The following WWOX variants were observed in gnomAD, a reference collection of about 807,000 sequenced individuals.
The protein encoded by WWOX is WW domain-containing oxidoreductase.
WWOX carries 69 observed loss-of-function variants against 46.2 expected under a neutral mutation model. The observed-to-expected ratio is 1.49, with a 90% CI of 1.23 to 1.82. WWOX has a LOEUF of 1.82. WWOX is among the 40% of genes most tolerant of loss of function. The probability of loss-of-function intolerance (pLI) is 0.00; values close to 1 mark genes in which losing one functional copy is unlikely to be tolerated. For missense variants in WWOX, 919 were observed against 542.6 expected (o/e 1.69, Z -6.89); for synonymous variants, 359 against 202.6 (o/e 1.77, Z -6.56).
At chr16:78,830,683 G>A (rs1464276187) in intron 8 of WWOX, among the ~76,000 whole-genome samples, 1 of 151,830 alleles carries the variant, frequency 6.6e-6, no homozygotes, top group East Asian at 2.0e-4. Context: ...GGGCTGACAG[G>A]TACGGCCGTG....
Position 78,422,889 on chromosome 16 carries a change from A to ATT in WWOX, c.606-1972_606-1971dup, listed in dbSNP as rs1237529975. The stretch of plus-strand genomic sequence containing the variant: ...CACACACACACACACACACACATAT[A>ATT]TTTTTTTTTTCTTTTAGATGGAGTG... On this transcript the variant is annotated intron_variant, in intron 6 of 8. Coordinates refer to ENST00000566780, the MANE Select transcript of WWOX (RefSeq NM_016373.4). Among the ~76,000 whole-genome samples the ATT allele has an allele frequency of 8.3e-3, 1,013 of 121,874 alleles. 54 individuals are homozygous for ATT. The highest frequency in any genetic ancestry group is 0.034 in the African/African-American group (899 of 26,376). 80.0% of individuals were successfully genotyped at this position (121,874 alleles called of 152,430 possible). A position where few individuals can be genotyped will look rare whatever the true frequency, so the allele number is the denominator to read the frequency against.
chr16:78,706,418 C>T (rs370428944), intron 8 of WWOX, among the ~76,000 whole-genome samples: 3 of 152,064 alleles, frequency 2.0e-5, no homozygotes, highest in Non-Finnish European at 2.9e-5. Context: ...TGAGCCTTCC[C>T]GATTCCATTT....
At chr16:78,642,341 CT>C (rs1447089826) in intron 8 of WWOX, among the ~76,000 whole-genome samples, 1 of 152,184 alleles carries the variant, frequency 6.6e-6, no homozygotes, top group Non-Finnish European at 1.5e-5. Flanking sequence ...CCCAGGGCTT[CT>C]GTCTCCAGAT....
chr16:78,996,407 A>C, intron 8 of WWOX: 4 of 852,040 alleles, frequency 4.7e-6, no homozygotes, highest in Non-Finnish European at 5.5e-6. Context: ...CACCTGTAAA[A>C]TGATTTGCTC....
chr16:78,487,056 G>C (rs2084655994), intron 8 of WWOX, among the ~76,000 whole-genome samples: 1 of 152,196 alleles, frequency 6.6e-6, no homozygotes, highest in South Asian at 2.1e-4. Context: ...GTACATGCCA[G>C]ATGATTCTGT....
chr16:78,370,130 C>A (rs1249454890), intron 5 of WWOX, among the ~76,000 whole-genome samples: 247 of 76,004 alleles, frequency 3.2e-3, no homozygotes, highest in East Asian at 7.5e-3. Context: ...AGACTGTCTC[C>A]AAAAAAAAAA....
chr16:79,126,444 G>C (rs1478251524), intron 8 of WWOX, among the ~76,000 whole-genome samples: 2 of 152,164 alleles, frequency 1.3e-5, no homozygotes, highest in Non-Finnish European at 2.9e-5. Flanking sequence ...ATGCTAGTGA[G>C]TGAGTTGTCA....
intron 5 of WWOX, among the ~76,000 whole-genome samples, chr16:78,342,323 G>A (rs1265162279): frequency 8.3e-6 from 1 of 120,526 alleles, no homozygotes; most frequent in South Asian, 2.5e-4. Flanking sequence ...GTGTGAGTTG[G>A]CTGGAAGGTC....
chr16:79,044,772 G>A (rs2150518120), intron 8 of WWOX, among the ~76,000 whole-genome samples: 1 of 152,296 alleles, frequency 6.6e-6, no homozygotes, highest in Admixed American at 6.5e-5. Context: ...AGAAGGCAGT[G>A]TCAGAGAATG....
At chr16:79,183,953 G>C (rs1364665337) in intron 8 of WWOX, among the ~76,000 whole-genome samples, 1 of 152,154 alleles carries the variant, frequency 6.6e-6, no homozygotes, top group African/African-American at 2.4e-5. Context: ...AACACGCTTT[G>C]GTGTCGTGCT....
chr16:78,474,366 C>T (rs1414319081), intron 8 of WWOX, among the ~76,000 whole-genome samples: 1 of 152,208 alleles, frequency 6.6e-6, no homozygotes, highest in Non-Finnish European at 1.5e-5. Context: ...GCACATCTTA[C>T]CCCGATGCAC....
At position 78,365,803 on chromosome 16, in the gene WWOX, C is replaced by G. The variant is rs568419910; in HGVS notation, c.517-21057C>G. Among the ~76,000 whole-genome samples, 388 of 152,270 alleles carry G rather than the reference C, an allele frequency of 2.5e-3. 1 individual carries two copies. The highest frequency in any genetic ancestry group is 4.7e-3 in the Non-Finnish European group (317 of 68,030). ...GCCCCTCCTCTATGGCTCCCCCCACCAAATTTCTGTGTCTTCATTTGCAAC... is the reference window on the plus strand; with the variant it reads ...GCCCCTCCTCTATGGCTCCCCCCACGAAATTTCTGTGTCTTCATTTGCAAC... On this transcript the variant is annotated intron_variant, in intron 5 of 8. Transcript: ENST00000566780.
chr16:79,140,815 A>G (rs1052614355), intron 8 of WWOX, among the ~76,000 whole-genome samples: 2 of 150,304 alleles, frequency 1.3e-5, no homozygotes, highest in Non-Finnish European at 2.9e-5. Context: ...CTTCTGAGTA[A>G]GTAGGGGGAT....
intron 6 of WWOX, among the ~76,000 whole-genome samples, chr16:78,414,818 A>G (rs1401737173): frequency 6.6e-6 from 1 of 152,186 alleles, no homozygotes; most frequent in Admixed American, 6.5e-5. Context: ...AATTTCTCCC[A>G]AAGTTAGCTT....
intron 5 of WWOX, among the ~76,000 whole-genome samples, chr16:78,343,924 A>G (rs767937773): frequency 8.3e-6 from 1 of 120,076 alleles, no homozygotes; most frequent in Non-Finnish European, 2.0e-5. Flanking sequence ...GGTTGGAGCA[A>G]TGTAGTCTAA....
intron 8 of WWOX, among the ~76,000 whole-genome samples, chr16:78,628,826 C>T (rs1168419751): frequency 6.6e-6 from 1 of 152,184 alleles, no homozygotes; most frequent in African/African-American, 2.4e-5. Flanking sequence ...AGGCGCTTCC[C>T]TTCCAGCTGG....
rs966755360 is a variant in WWOX at position 78,943,285 on chromosome 16, A to G, written c.1057-268323A>G. On this transcript the variant is annotated intron_variant, in intron 8 of 8. Transcript: ENST00000566780. ...GCGTTATTGTGCCCATTTCCTGGAT[A>G]AGGAGAATGAGGTACGCTAAACGAG... Among the ~76,000 whole-genome samples, 3 of 152,184 alleles carry G rather than the reference A, an allele frequency of 2.0e-5. No homozygotes were observed. The East Asian group carries it at 5.8e-4, about 29-fold the overall frequency.
intron 8 of WWOX, among the ~76,000 whole-genome samples, chr16:78,958,555 T>C (rs1482363173): frequency 6.6e-6 from 1 of 152,208 alleles, no homozygotes; most frequent in African/African-American, 2.4e-5. Flanking sequence ...TGCCTTGCAG[T>C]TTCCAAAGTA....
chr16:78,404,315 G>T (rs907245684), intron 6 of WWOX, among the ~76,000 whole-genome samples: 1 of 152,114 alleles, frequency 6.6e-6, no homozygotes, highest in African/African-American at 2.4e-5. Flanking sequence ...ACAAAATTCT[G>T]TTGTATGCCA....
Sources: gnomAD v4.1 joint callset for allele counts (sites outside exome capture counted in the v4.1 genomes callset) on GRCh38, gnomAD v4.1.1 for gene constraint, MANE v1.5 for transcripts, NCBI Gene and HGNC (gene_info 2026-07-23, HGNC 2026-07-21) for gene names.